Variants in PCDHGA6 observed in about 807,000 individuals in gnomAD.
PCDHGA6 encodes protocadherin gamma subfamily A, 6, also known as protocadherin gamma-A6.
PCDHGA6 carries 41 observed loss-of-function variants against 60.6 expected under a neutral mutation model. That is an observed-to-expected ratio of 0.68 (90% CI 0.53 to 0.88). PCDHGA6 has a LOEUF of 0.88. Among genes scored for constraint, PCDHGA6 ranks in the 40% least tolerant of loss-of-function variants. The pLI is 0.00. For synonymous variants in PCDHGA6, 594 were observed against 524.4 expected, an observed-to-expected ratio of 1.13 and a Z score of -1.81; for missense variants, 1,312 against 1,203.0, an observed-to-expected ratio of 1.09 and a Z score of -1.34.
intron 1 of PCDHGA6, chr5:141,405,253 C>T (rs78501291): frequency 0.034 from 55,338 of 1,614,052 alleles, 1,052 homozygotes; most frequent in Middle Eastern, 0.098. Flanking sequence ...GGAAGAGTCA[C>T]CTGATCTTCC....
At chr5:141,499,689 CTTT>C (rs545067566) in intron 2 of PCDHGA6, among the ~76,000 whole-genome samples, 2 of 119,848 alleles carry the variant, frequency 1.7e-5, no homozygotes, top group African/African-American at 3.1e-5. Context: ...TAACAGATGA[CTTT>C]TTTTTTTTTT....
intron 1 of PCDHGA6, chr5:141,399,510 C>T: frequency 6.2e-7 from 1 of 1,614,040 alleles, no homozygotes; most frequent in Non-Finnish European, 8.5e-7. Context: ...CCGAAAACAA[C>T]CCTCCTGGGG....
Position 141,444,232 on chromosome 5 carries a change from C to T in PCDHGA6, c.2425-50575C>T, listed in dbSNP as rs1411172798. Among the ~76,000 whole-genome samples the T allele has an allele frequency of 2.5e-5, 3 of 122,350 alleles. No individual in the cohort carries two copies. In the Admixed American group the frequency reaches 3.3e-4, roughly 14 times the overall value. The allele number at this position is 122,350 out of a possible 152,430, so 80.3% of individuals were successfully genotyped here. ...TGTTGCCCAGGCTGGAGTGCAATGG[C>T]ATGCTCTCGGCTCACTGCAACCTCC... is the stretch of plus-strand genomic sequence containing the variant. On this transcript the variant is annotated intron_variant, in intron 1 of 3. Coordinates refer to ENST00000517434, the MANE Select transcript of PCDHGA6 (RefSeq NM_018919.3).
At chr5:141,395,807 A>G (rs1561656089) in intron 1 of PCDHGA6, 1 of 152,004 alleles carries the variant, frequency 6.6e-6, no homozygotes, top group Non-Finnish European at 1.5e-5. Context: ...ATCCTTCAAA[A>G]CATGAACAAA....
At chr5:141,407,271 GA>G (rs2094907406) in intron 1 of PCDHGA6, among the ~76,000 whole-genome samples, 1 of 152,204 alleles carries the variant, frequency 6.6e-6, no homozygotes, top group African/African-American at 2.4e-5. Context: ...CATGCAACAA[GA>G]AAATTGTTAC....
intron 1 of PCDHGA6, chr5:141,407,897 A>T (rs1178644193): frequency 4.9e-6 from 2 of 405,126 alleles, no homozygotes; most frequent in African/African-American, 4.1e-5. Context: ...CCGAATTCAA[A>T]ATGAAAAACC....
intron 1 of PCDHGA6, among the ~76,000 whole-genome samples, chr5:141,482,767 A>G (rs2099572087): frequency 6.6e-6 from 1 of 150,474 alleles, no homozygotes; most frequent in East Asian, 1.9e-4. Flanking sequence ...TTTCATTATC[A>G]CTGAACCTTA....
At chr5:141,391,561 G>T (rs2092390304) in intron 1 of PCDHGA6, 2 of 152,026 alleles carry the variant, frequency 1.3e-5, no homozygotes. Flanking sequence ...TTTTCCATAT[G>T]CATAAGAAAA....
intron 1 of PCDHGA6, among the ~76,000 whole-genome samples, chr5:141,469,484 A>AGAATCGCT (rs1279677032): frequency 6.6e-6 from 1 of 152,074 alleles, no homozygotes; most frequent in African/African-American, 2.4e-5. Flanking sequence ...CTGAGGCAGG[A>AGAATCGCT]GAATCGCTTG....
chr5:141,422,809 G>A (rs1169197801), intron 1 of PCDHGA6: 8 of 1,614,232 alleles, frequency 5.0e-6, no homozygotes, highest in Non-Finnish European at 6.8e-6. Context: ...GCAGTTTCGA[G>A]ACTTAGAACT....
chr5:141,497,122 G>A (rs1407489807), intron 2 of PCDHGA6, among the ~76,000 whole-genome samples: 1 of 151,992 alleles, frequency 6.6e-6, no homozygotes, highest in East Asian at 1.9e-4. Flanking sequence ...GAAGGCAGAG[G>A]TTGCAGTGAG....
At position 141,434,771 on chromosome 5, in the gene PCDHGA6, TA is replaced by T. The variant is rs36031641; in HGVS notation, c.2424+58277del. On this transcript the variant is annotated intron_variant, in intron 1 of 3. Transcript: ENST00000517434. ...CCCCTGATTCCCCACTTCACACTTC[TA>T]AAAAAAAAAAAATTTTTTTTTCTGA... 2.5e-3 allele frequency among the ~76,000 whole-genome samples: 362 copies of T among 145,286 alleles called. 1 individual carries two copies. The highest frequency in any genetic ancestry group is 0.011 in the Middle Eastern group (3 of 280).
At position 141,486,484 on chromosome 5, in the gene PCDHGA6, C is replaced by G. The variant is rs200150307; in HGVS notation, c.2425-8323C>G. ...ATGCTGGGAACCCTCCTCTCAGTAC[C>G]CACAGAACTATTTTCCTCAATATTT... On this transcript the variant is annotated intron_variant, in intron 1 of 3. Transcript: ENST00000517434. The surrounding 1 kb of genome is among the most constrained non-coding windows in gnomAD (Gnocchi z 5.0). The G allele has an allele frequency of 2.8e-5, 45 of 1,614,102 alleles. No homozygotes were observed. In the Admixed American group the frequency reaches 5.5e-4, roughly 20 times the overall value.
intron 1 of PCDHGA6, among the ~76,000 whole-genome samples, chr5:141,433,404 T>TATCTATCA (rs757435896): frequency 6.8e-6 from 1 of 146,200 alleles, no homozygotes; most frequent in Non-Finnish European, 1.5e-5. Flanking sequence ...TCTATCTATC[T>TATCTATCA]ATTACTTTCT....
At chr5:141,459,236 G>A (rs1248794102) in intron 1 of PCDHGA6, among the ~76,000 whole-genome samples, 2 of 152,176 alleles carry the variant, frequency 1.3e-5, no homozygotes, top group African/African-American at 2.4e-5. Context: ...CAACTGGTCT[G>A]CTTCCTGTCA....
At position 141,477,579 on chromosome 5, in the gene PCDHGA6, A is replaced by G. The variant is rs774773400; in HGVS notation, c.2425-17228A>G. The stretch of plus-strand genomic sequence containing the variant: ...AGTGTCTGGGACCCCGACGCCCCGC[A>G]GAATGCTCGGCTTTCTTTCTTTCTC... On this transcript the variant is annotated intron_variant, in intron 1 of 3. Coordinates refer to ENST00000517434, the MANE Select transcript of PCDHGA6 (RefSeq NM_018919.3). The surrounding 1 kb of genome is among the most constrained non-coding windows in gnomAD (Gnocchi z 4.9). The G allele has an allele frequency of 1.7e-5, 27 of 1,614,036 alleles. No individual in the cohort carries two copies. The highest frequency in any genetic ancestry group is 2.0e-5 in the Non-Finnish European group (24 of 1,180,036).
intron 1 of PCDHGA6, chr5:141,415,642 A>T (rs1418546981): frequency 6.0e-6 from 5 of 831,836 alleles, no homozygotes; most frequent in Middle Eastern, 2.6e-4. Flanking sequence ...TACTTTTGTT[A>T]AAAAAAAAAA....
In PCDHGA6 at chr5:141,432,487, G is replaced by A; in HGVS notation, c.2424+55980G>A. On this transcript the variant is annotated intron_variant, in intron 1 of 3. Coordinates refer to ENST00000517434, the MANE Select transcript of PCDHGA6 (RefSeq NM_018919.3). This position sits in a 1 kb window ranked among gnomAD's most constrained non-coding sequence, Gnocchi z 6.0. ...CCACGGACGGTTCCACTGGCGTGGA[G>A]CTGGCTCCCCGCTCCGCAGAGCCCG... 1.2e-6 allele frequency: 2 copies of A among 1,614,208 alleles called. No homozygotes were observed. The highest frequency in any genetic ancestry group is 2.2e-5 in the East Asian group (1 of 44,874).
intron 1 of PCDHGA6, among the ~76,000 whole-genome samples, chr5:141,444,462 C>T (rs1314366280): frequency 3.3e-5 from 5 of 152,002 alleles, no homozygotes; most frequent in African/African-American, 9.7e-5. Flanking sequence ...TGAGTCACTG[C>T]GCCCGGTCGC....
Sources: gnomAD v4.1 joint callset for allele counts (sites outside exome capture counted in the v4.1 genomes callset) on GRCh38, gnomAD v4.1.1 for gene constraint, Gnocchi (gnomAD v3.1) non-coding constraint, MANE v1.5 for transcripts, NCBI Gene and HGNC (gene_info 2026-07-23, HGNC 2026-07-21) for gene names.